The following TCF7L2 variants were observed in gnomAD, a reference collection of about 807,000 sequenced individuals.
TCF7L2 encodes the protein transcription factor 7-like 2.
A neutral mutation model predicts 77.9 loss-of-function variants in TCF7L2; 23 were observed. The ratio of observed to expected loss-of-function variants is 0.30; its 90% confidence interval spans 0.21 to 0.42. The LOEUF (loss-of-function observed/expected upper bound fraction) is 0.42, where lower values mean the gene tolerates loss of function less well. Ranked by LOEUF, TCF7L2 falls within the 10% of genes least tolerant of loss-of-function variation. The pLI is 1.00. For synonymous variants in TCF7L2, 413 were observed against 340.2 expected (o/e 1.21, Z -2.36); for missense variants, 654 against 793.1 (o/e 0.82, Z 2.11).
chr10:113,157,799 T>A, intron 11 of TCF7L2: 1 of 503,640 alleles, frequency 2.0e-6, no homozygotes, highest in Non-Finnish European at 3.6e-6. Flanking sequence ...CACCCGCCAA[T>A]CCCTTCTCTG....
chr10:112,970,542 T>C (rs2038017436), intron 4 of TCF7L2, among the ~76,000 whole-genome samples: 1 of 151,962 alleles, frequency 6.6e-6, no homozygotes, highest in Non-Finnish European at 1.5e-5. Flanking sequence ...TTAACATTGT[T>C]AAGATTCCTG....
intron 4 of TCF7L2, among the ~76,000 whole-genome samples, chr10:112,973,292 C>T (rs1349853148): frequency 4.6e-5 from 7 of 152,166 alleles, no homozygotes; most frequent in Non-Finnish European, 7.3e-5. Context: ...GGAGAACCAC[C>T]GGACTAGGGC....
At chr10:113,163,436 C>T (rs538239953) in intron 13 of TCF7L2, among the ~76,000 whole-genome samples, 1 of 152,222 alleles carries the variant, frequency 6.6e-6, no homozygotes, top group South Asian at 2.1e-4. Flanking sequence ...CTTTCTTTCT[C>T]CCTTTCCTTT....
rs140535977 is a variant in TCF7L2, at chr10:113,151,749, A to G, written c.1026A>G (p.Glu342=). 2 of 1,602,872 alleles carry G rather than the reference A, an allele frequency of 1.2e-6. No individual in the cohort carries two copies. The highest frequency in any genetic ancestry group is 2.7e-5 in the African/African-American group (2 of 73,878). ...GAAAGCATCAGGACTCCAAAAAGGA[A>G]GAAGAAAAGAAGAAGCCCCACATAA... Residue 342 remains glutamate, a synonymous_variant, in exon 10 of 14, where the codon GAA becomes GAG. Coordinates refer to ENST00000627217, the MANE Select transcript of TCF7L2 (RefSeq NM_001146274.2). This position sits in a 1 kb window ranked among gnomAD's most constrained non-coding sequence, Gnocchi z 5.2.
chr10:113,058,093 C>T (rs1417867303), intron 5 of TCF7L2, among the ~76,000 whole-genome samples: 1 of 152,086 alleles, frequency 6.6e-6, no homozygotes, highest in Admixed American at 6.6e-5. Context: ...TTCATTAGGG[C>T]CTTTAAAGGG....
At chr10:113,004,619 T>C (rs1362881866) in intron 4 of TCF7L2, among the ~76,000 whole-genome samples, 2 of 152,228 alleles carry the variant, frequency 1.3e-5, no homozygotes, top group Non-Finnish European at 2.9e-5. Context: ...TTCAGACAAT[T>C]AGCATAAAAT....
intron 5 of TCF7L2, among the ~76,000 whole-genome samples, chr10:113,104,321 G>T (rs957272972): frequency 6.6e-6 from 1 of 152,160 alleles, no homozygotes; most frequent in Non-Finnish European, 1.5e-5. Context: ...TTGCCATCCT[G>T]ACTTGTTTAA....
intron 5 of TCF7L2, among the ~76,000 whole-genome samples, chr10:113,093,574 G>C (rs953524234): frequency 5.3e-5 from 8 of 152,138 alleles, no homozygotes; most frequent in African/African-American, 1.9e-4. Flanking sequence ...TTCTTTCCAT[G>C]TAATTCAGCC....
At chr10:113,113,444 A>G (rs1261425594) in intron 5 of TCF7L2, among the ~76,000 whole-genome samples, 1 of 152,192 alleles carries the variant, frequency 6.6e-6, no homozygotes, top group Non-Finnish European at 1.5e-5. Context: ...AGGGCATAGG[A>G]CATCCTCATA....
intron 11 of TCF7L2, among the ~76,000 whole-genome samples, chr10:113,154,165 C>G (rs371818510): frequency 2.6e-5 from 4 of 152,300 alleles, no homozygotes; most frequent in African/African-American, 9.6e-5. Context: ...TCTTCTGGAG[C>G]TGAAAGGAAG....
intron 4 of TCF7L2, among the ~76,000 whole-genome samples, chr10:112,991,921 G>C (rs1348711286): frequency 6.6e-6 from 1 of 152,206 alleles, no homozygotes; most frequent in African/African-American, 2.4e-5. Context: ...TGTTGGGGCC[G>C]GGGAGGGGTG....
intron 5 of TCF7L2, among the ~76,000 whole-genome samples, chr10:113,111,161 G>C (rs1220097691): frequency 6.6e-6 from 1 of 152,076 alleles, no homozygotes; most frequent in Non-Finnish European, 1.5e-5. Context: ...CATTGGGCTG[G>C]ATGGTCATAG....
rs139984080 is a variant in TCF7L2 at position 113,130,134 on chromosome 10, A to G, written c.553-11050A>G. The G allele has an allele frequency of 4.2e-5, 27 of 644,562 alleles. No individual in the cohort carries two copies. The Admixed American group carries it at 1.1e-3, about 27-fold the overall frequency. 39.9% of individuals were successfully genotyped at this position (644,562 alleles called of 1,614,324 possible). A position where few individuals can be genotyped will look rare whatever the true frequency, so the allele number is the denominator to read the frequency against. ...AAAAACAAAACAAGAATAAATGGTCAACTCAAGCTATGCCCTTTCTTTGAG... is the reference window on the plus strand; with the variant it reads ...AAAAACAAAACAAGAATAAATGGTCGACTCAAGCTATGCCCTTTCTTTGAG... On this transcript the variant is annotated intron_variant, in intron 5 of 13. Coordinates refer to ENST00000627217, the MANE Select transcript of TCF7L2 (RefSeq NM_001146274.2).
At chr10:113,117,088 A>G (rs1364569069) in intron 5 of TCF7L2, among the ~76,000 whole-genome samples, 2 of 152,202 alleles carry the variant, frequency 1.3e-5, no homozygotes, top group Non-Finnish European at 2.9e-5. Flanking sequence ...TTCAGATTTT[A>G]GGTTTTAGAA....
At chr10:112,959,642 C>T (rs915156399) in intron 3 of TCF7L2, among the ~76,000 whole-genome samples, 4 of 152,176 alleles carry the variant, frequency 2.6e-5, no homozygotes, top group African/African-American at 7.2e-5. Context: ...CCAGGCAATG[C>T]TGGTTTTGCC....
intron 3 of TCF7L2, among the ~76,000 whole-genome samples, chr10:112,963,797 G>A (rs1564717099): frequency 1.3e-5 from 2 of 152,150 alleles, no homozygotes; most frequent in Non-Finnish European, 2.9e-5. Flanking sequence ...GAAAGGCTGA[G>A]GATAGACTTA....
In TCF7L2 at chr10:113,118,197, G is replaced by T. The variant is rs2064144753; in HGVS notation, c.553-22987G>T. On this transcript the variant is annotated intron_variant, in intron 5 of 13. Transcript: ENST00000627217. Reference sequence around the variant, plus strand: ...TTATTTATTTGTTTGATTTTGGAGAGAAAAAGTCAATTAAAAGCAAATGGG... The same window carrying T: ...TTATTTATTTGTTTGATTTTGGAGATAAAAAGTCAATTAAAAGCAAATGGG... Among the ~76,000 whole-genome samples, 4 of 152,032 alleles carry T rather than the reference G, an allele frequency of 2.6e-5. No homozygotes were observed. The South Asian group carries it at 8.3e-4, about 32-fold the overall frequency.
chr10:113,002,033 C>T (rs564170311), intron 4 of TCF7L2, among the ~76,000 whole-genome samples: 134 of 152,274 alleles, frequency 8.8e-4, no homozygotes, highest in Non-Finnish European at 1.8e-3. Flanking sequence ...CAGTACTACC[C>T]TCCACCAAGG....
chr10:113,157,604 T>C (rs1592431491), intron 11 of TCF7L2, among the ~76,000 whole-genome samples: 1 of 152,228 alleles, frequency 6.6e-6, no homozygotes, highest in Non-Finnish European at 1.5e-5. Flanking sequence ...CCCTTGAAGC[T>C]GGTGCGGCCA....
Sources: allele counts gnomAD v4.1 joint callset (sites outside exome capture counted in the v4.1 genomes callset), GRCh38; gene constraint gnomAD v4.1.1; non-coding constraint Gnocchi (gnomAD v3.1); transcripts MANE v1.5; gene names NCBI Gene and HGNC (gene_info 2026-07-23, HGNC 2026-07-21).